Variants in XKR4 observed in about 807,000 individuals in gnomAD.
XKR4 encodes XK-related protein 4.
In XKR4, 12 loss-of-function variants were observed where a neutral mutation model predicts 53.9. The ratio of observed to expected loss-of-function variants is 0.22; its 90% CI spans 0.14 to 0.36. The LOEUF (loss-of-function observed/expected upper bound fraction) is 0.36, where lower values mean the gene tolerates loss of function less well. XKR4 is among the 10% of genes least tolerant of loss of function. XKR4 has a pLI of 1.00. For synonymous variants in XKR4, 354 were observed against 362.4 expected (o/e 0.98, Z 0.26); for missense variants, 799 against 859.5 (o/e 0.93, Z 0.88).
chr8:55,382,800 A>G (rs924178880), intron 2 of XKR4, among the ~76,000 whole-genome samples: 2 of 152,144 alleles, frequency 1.3e-5, no homozygotes, highest in Non-Finnish European at 2.9e-5. Context: ...TTTTAGGTAT[A>G]CGGTCTCATT....
chr8:55,454,928 T>C, intron 2 of XKR4: 1 of 788,108 alleles, frequency 1.3e-6, no homozygotes, highest in Non-Finnish European at 2.3e-6. Context: ...GCGCCCGGAG[T>C]TGATGTCGGT....
rs1273642129 is a variant in XKR4 at position 55,527,841 on chromosome 8, T to A, written c.*3614T>A. On this transcript the variant is annotated 3_prime_UTR_variant, in exon 3 of 3. Coordinates refer to ENST00000327381, the MANE Select transcript of XKR4 (RefSeq NM_052898.2). ...TTATGGTTAATTTCTAAATGCCCAATTTATTTTGCTCTATGAGTAAAGGAA... is the reference window on the plus strand; with the variant it reads ...TTATGGTTAATTTCTAAATGCCCAAATTATTTTGCTCTATGAGTAAAGGAA... 1 of 152,218 alleles carries A rather than the reference T, an allele frequency of 6.6e-6. No individual in the cohort carries two copies. Among genetic ancestry groups the A allele is most frequent in the Non-Finnish European group, 1.5e-5 (1 of 68,024 alleles). The allele number at this position is 152,218 out of a possible 1,614,324, so 9.4% of individuals were successfully genotyped here. A position where few individuals can be genotyped will look rare whatever the true frequency, so the allele number is the denominator to read the frequency against.
rs1028088122 is a variant in XKR4 at position 55,527,934 on chromosome 8, G to T, written c.*3707G>T. On this transcript the variant is annotated 3_prime_UTR_variant, in exon 3 of 3. Coordinates refer to ENST00000327381, the MANE Select transcript of XKR4 (RefSeq NM_052898.2). ...AACTCAATGGCTGTTTTTTAAAAATGATATGTGCCTTTTAAGTGTGTTTGT... is the reference window on the plus strand; with the variant it reads ...AACTCAATGGCTGTTTTTTAAAAATTATATGTGCCTTTTAAGTGTGTTTGT... 1 of 152,116 alleles carries T rather than the reference G, an allele frequency of 6.6e-6. No individual in the cohort carries two copies. The highest frequency in any genetic ancestry group is 2.4e-5 in the African/African-American group (1 of 41,416). The allele number at this position is 152,116 out of a possible 1,614,324, so 9.4% of individuals were successfully genotyped here.
At chr8:55,139,583 T>A (rs562741140) in intron 1 of XKR4, among the ~76,000 whole-genome samples, 1 of 150,818 alleles carries the variant, frequency 6.6e-6, no homozygotes, top group South Asian at 2.1e-4. Context: ...CTAAAACAGA[T>A]GACTCAGAGA....
chr8:55,401,979 C>CA (rs11338681), intron 2 of XKR4, among the ~76,000 whole-genome samples: 5 of 152,022 alleles, frequency 3.3e-5, no homozygotes, highest in Non-Finnish European at 7.4e-5. Context: ...ACTATTGATA[C>CA]AAAAAAATTA....
intron 2 of XKR4, among the ~76,000 whole-genome samples, chr8:55,434,998 A>G (rs1478439761): frequency 6.6e-6 from 1 of 152,192 alleles, no homozygotes; most frequent in Non-Finnish European, 1.5e-5. Flanking sequence ...ACACACAAGC[A>G]TGCCTGCAGT....
In XKR4 at chr8:55,302,286, G is replaced by T. The variant is rs1420328302; in HGVS notation, c.807-55392G>T. Among the ~76,000 whole-genome samples, 5 of 152,216 alleles carry T rather than the reference G, an allele frequency of 3.3e-5. No individual in the cohort carries two copies. In the East Asian group the frequency reaches 5.8e-4, roughly 18 times the overall value. On this transcript the variant is annotated intron_variant, in intron 1 of 2. Transcript: ENST00000327381. Reference sequence around the variant, plus strand: ...CCCATTTCTTGTTTTTGTCAGGTTTGTCAAAGATCAGATGGTTGTAGATAT... The same window carrying T: ...CCCATTTCTTGTTTTTGTCAGGTTTTTCAAAGATCAGATGGTTGTAGATAT...
rs1472520324 is a variant in XKR4 at position 55,526,786 on chromosome 8, T to C, written c.*2559T>C. On this transcript the variant is annotated 3_prime_UTR_variant, in exon 3 of 3. Coordinates refer to ENST00000327381, the MANE Select transcript of XKR4 (RefSeq NM_052898.2). ...AGTTATTTCTCAACTTGATCCCTCA[T>C]TCAACATGTTAAGAGTCAGAATGAA... The C allele has an allele frequency of 2.0e-5, 3 of 152,322 alleles. No individual in the cohort carries two copies. The South Asian group carries it at 6.2e-4, about 32-fold the overall frequency. The allele number at this position is 152,322 out of a possible 1,614,324, so 9.4% of individuals were successfully genotyped here.
intron 1 of XKR4, among the ~76,000 whole-genome samples, chr8:55,261,804 A>G (rs553167659): frequency 6.6e-6 from 1 of 152,274 alleles, no homozygotes; most frequent in East Asian, 1.9e-4. Context: ...TCATTAATAG[A>G]TCGAAGTGTT....
intron 1 of XKR4, among the ~76,000 whole-genome samples, chr8:55,112,379 T>A (rs1816244294): frequency 6.6e-6 from 1 of 152,046 alleles, no homozygotes; most frequent in Non-Finnish European, 1.5e-5. Flanking sequence ...TGAAAAAGAC[T>A]TGAGATGACT....
chr8:55,276,387 G>A (rs1051278606), intron 1 of XKR4, among the ~76,000 whole-genome samples: 2 of 152,210 alleles, frequency 1.3e-5, no homozygotes, highest in Non-Finnish European at 2.9e-5. Flanking sequence ...AAAGTTGAAT[G>A]CCTTTCTAAC....
chr8:55,355,765 A>G (rs1167906136), intron 1 of XKR4, among the ~76,000 whole-genome samples: 9 of 152,234 alleles, frequency 5.9e-5, no homozygotes, highest in Non-Finnish European at 1.3e-4. Flanking sequence ...TGCATGGAAT[A>G]TGCATGAATT....
At chr8:55,321,764 G>C (rs1251492768) in intron 1 of XKR4, among the ~76,000 whole-genome samples, 2 of 152,184 alleles carry the variant, frequency 1.3e-5, no homozygotes, top group Non-Finnish European at 2.9e-5. Flanking sequence ...GCCAAGGCAG[G>C]TGGATCATGA....
chr8:55,301,516 T>C (rs1819197513), intron 1 of XKR4, among the ~76,000 whole-genome samples: 2 of 152,136 alleles, frequency 1.3e-5, no homozygotes, highest in Admixed American at 1.3e-4. Flanking sequence ...TACCCAGTAA[T>C]GAGATGGCTG....
At chr8:55,291,955 T>G (rs989626444) in intron 1 of XKR4, among the ~76,000 whole-genome samples, 1 of 152,174 alleles carries the variant, frequency 6.6e-6, no homozygotes, top group Non-Finnish European at 1.5e-5. Context: ...ATGTGATTCT[T>G]CCTTCATGGC....
intron 2 of XKR4, among the ~76,000 whole-genome samples, chr8:55,408,729 C>T (rs1804727302): frequency 6.6e-6 from 1 of 152,170 alleles, no homozygotes; most frequent in South Asian, 2.1e-4. Context: ...GAGCCACAAG[C>T]CGGGTGCGGT....
intron 1 of XKR4, among the ~76,000 whole-genome samples, chr8:55,106,389 G>A (rs992466504): frequency 1.6e-4 from 25 of 152,308 alleles, no homozygotes; most frequent in Admixed American, 1.4e-3. Context: ...AGCTTTTAAA[G>A]TCGCAGGAGG....
intron 2 of XKR4, among the ~76,000 whole-genome samples, chr8:55,399,693 T>C (rs906049741): frequency 6.6e-5 from 10 of 152,088 alleles, no homozygotes; most frequent in Non-Finnish European, 1.5e-4. Context: ...AATGCAGCCA[T>C]TGGGAGGGCA....
At chr8:55,263,514 A>C (rs140377876) in intron 1 of XKR4, among the ~76,000 whole-genome samples, 1 of 152,328 alleles carries the variant, frequency 6.6e-6, no homozygotes, top group Non-Finnish European at 1.5e-5. Flanking sequence ...ACAAAACTAG[A>C]GCACTCAGAT....
Sources: gnomAD v4.1 joint callset for allele counts (sites outside exome capture counted in the v4.1 genomes callset) on GRCh38, gnomAD v4.1.1 for gene constraint, MANE v1.5 for transcripts, NCBI Gene and HGNC (gene_info 2026-07-23, HGNC 2026-07-21) for gene names.